Variants in WWOX observed in about 807,000 individuals in gnomAD.
WWOX encodes the protein WW domain containing oxidoreductase.
Under a neutral mutation model 46.2 loss-of-function variants are expected in WWOX, and 69 were observed. That is an observed-to-expected ratio of 1.49 (90% CI 1.23 to 1.82). WWOX has a LOEUF of 1.82. Among genes scored for constraint, WWOX ranks in the 40% most tolerant of loss-of-function variants. The pLI is 0.00. For missense variants in WWOX, 919 were observed against 542.6 expected (o/e 1.69, Z -6.89); for synonymous variants, 359 against 202.6 (o/e 1.77, Z -6.56).
intron 8 of WWOX, among the ~76,000 whole-genome samples, chr16:78,604,764 CT>C (rs2045706429): frequency 6.8e-4 from 1 of 1,478 alleles, no homozygotes; most frequent in African/African-American, 2.9e-3. Context: ...TCCTTCCCCC[CT>C]CCCTCCTTCC....
At chr16:78,725,717 G>A (rs2048814255) in intron 8 of WWOX, among the ~76,000 whole-genome samples, 1 of 152,048 alleles carries the variant, frequency 6.6e-6, no homozygotes, top group African/African-American at 2.4e-5. Context: ...TTCTGAAAGT[G>A]AGAAGTCCAA....
chr16:78,301,882 G>C lies in WWOX; in HGVS notation c.517-84978G>C, dbSNP rs539305127. The stretch of plus-strand genomic sequence containing the variant: ...GAGGGCAGGAATTTAACATATCTTA[G>C]ATCACAGAGTAAGGCCTCTTCTACC... On this transcript the variant is annotated intron_variant, in intron 5 of 8. Transcript: ENST00000566780. Among the ~76,000 whole-genome samples the C allele has an allele frequency of 6.6e-5, 10 of 152,080 alleles. 1 individual carries two copies. The East Asian group carries it at 9.7e-4, about 15-fold the overall frequency.
intron 8 of WWOX, among the ~76,000 whole-genome samples, chr16:78,665,228 G>A (rs937217336): frequency 3.3e-5 from 5 of 152,124 alleles, no homozygotes; most frequent in South Asian, 2.1e-4. Context: ...CTGGAGTCAC[G>A]GGCTGAATTC....
chr16:78,761,263 A>C (rs1040010763), intron 8 of WWOX, among the ~76,000 whole-genome samples: 23 of 152,228 alleles, frequency 1.5e-4, no homozygotes, highest in Non-Finnish European at 3.4e-4. Context: ...AAAAGAGTTC[A>C]GAAAGCACGG....
intron 8 of WWOX, among the ~76,000 whole-genome samples, chr16:79,186,513 G>C (rs931068563): frequency 1.3e-5 from 2 of 152,166 alleles, no homozygotes; most frequent in African/African-American, 4.8e-5. Context: ...GGTCACATTG[G>C]ATTAAGGGCC....
intron 8 of WWOX, among the ~76,000 whole-genome samples, chr16:78,481,275 A>C (rs925266578): frequency 6.6e-6 from 1 of 152,208 alleles, no homozygotes; most frequent in African/African-American, 2.4e-5. Context: ...AGTTCAAAGC[A>C]GCTTGGAGCC....
At chr16:78,377,386 G>A (rs2081854975) in intron 5 of WWOX, among the ~76,000 whole-genome samples, 1 of 152,100 alleles carries the variant, frequency 6.6e-6, no homozygotes, top group Non-Finnish European at 1.5e-5. Context: ...TATTTTATAT[G>A]CCATTATAAT....
At chr16:78,147,096 A>T (rs1346226742) in intron 4 of WWOX, among the ~76,000 whole-genome samples, 2 of 152,230 alleles carry the variant, frequency 1.3e-5, no homozygotes, top group African/African-American at 2.4e-5. Context: ...TTTAAAAAGT[A>T]ATTATCTTAA....
chr16:78,892,531 GGAC>G (rs1235278989), intron 8 of WWOX, among the ~76,000 whole-genome samples: 1 of 152,182 alleles, frequency 6.6e-6, no homozygotes, highest in Non-Finnish European at 1.5e-5. Flanking sequence ...AGTGGGAGCT[GGAC>G]GACAACATTC....
At chr16:78,574,084 C>G (rs569448119) in intron 8 of WWOX, among the ~76,000 whole-genome samples, 1 of 152,300 alleles carries the variant, frequency 6.6e-6, no homozygotes, top group East Asian at 1.9e-4. Flanking sequence ...TGGCTTCTTG[C>G]TGACTGTTGG....
At chr16:79,020,625 G>T (rs548180393) in intron 8 of WWOX, among the ~76,000 whole-genome samples, 2 of 152,286 alleles carry the variant, frequency 1.3e-5, no homozygotes, top group South Asian at 4.1e-4. Flanking sequence ...GTAGAAAGAT[G>T]GCGATGGGGA....
intron 8 of WWOX, among the ~76,000 whole-genome samples, chr16:78,927,064 G>C (rs2045515068): frequency 6.6e-6 from 1 of 152,216 alleles, no homozygotes. Context: ...CCAAATTGCT[G>C]GAATTATAGG....
intron 8 of WWOX, among the ~76,000 whole-genome samples, chr16:78,737,568 CTT>C (rs1300004539): frequency 6.6e-6 from 1 of 152,114 alleles, no homozygotes; most frequent in Non-Finnish European, 1.5e-5. Context: ...AATATGTAGT[CTT>C]TTATTCCTCA....
At chr16:78,349,482 A>T (rs1186973074) in intron 5 of WWOX, among the ~76,000 whole-genome samples, 1 of 120,216 alleles carries the variant, frequency 8.3e-6, no homozygotes. Flanking sequence ...TCCTTATCTC[A>T]CTTAATCCTT....
chr16:78,773,002 G>C (rs1201139253), intron 8 of WWOX, among the ~76,000 whole-genome samples: 1 of 152,118 alleles, frequency 6.6e-6, no homozygotes, highest in Non-Finnish European at 1.5e-5. Context: ...TCCAGCCTGG[G>C]CATCAAGGTC....
At chr16:78,108,312 T>G (rs4887937) in intron 1 of WWOX, 111 bp from the exon 2 acceptor site, 3 of 1,050,248 alleles carry the variant, frequency 2.9e-6, no homozygotes, top group African/African-American at 1.6e-5. Context: ...TTCTTCCCCC[T>G]ACTTCCTTCT....
intron 8 of WWOX, among the ~76,000 whole-genome samples, chr16:79,010,164 C>T (rs141612406): frequency 1.4e-4 from 21 of 152,244 alleles, no homozygotes; most frequent in African/African-American, 5.1e-4. Flanking sequence ...ACCCATGAAA[C>T]AAGTGTTTAT....
At chr16:79,155,273 G>A (rs112876952) in intron 8 of WWOX, among the ~76,000 whole-genome samples, 3,621 of 152,228 alleles carry the variant, frequency 0.024, 137 homozygotes, top group African/African-American at 0.082. Context: ...CTACTCGGGA[G>A]GCCGAGGCAG....
chr16:78,885,573 T>C (rs1164504884), intron 8 of WWOX, among the ~76,000 whole-genome samples: 2 of 152,188 alleles, frequency 1.3e-5, no homozygotes, highest in African/African-American at 2.4e-5. Flanking sequence ...ATTTCCAACA[T>C]AGAGTTCTGC....
Sources: gnomAD v4.1 joint callset for allele counts (sites outside exome capture counted in the v4.1 genomes callset) on GRCh38, gnomAD v4.1.1 for gene constraint, MANE v1.5 for transcripts, NCBI Gene and HGNC (gene_info 2026-07-23, HGNC 2026-07-21) for gene names.